The following ZFP57 variants were observed in gnomAD, a reference collection of about 807,000 sequenced individuals.
The protein encoded by ZFP57 is zinc finger protein 57 homolog.
A neutral mutation model predicts 15.8 loss-of-function variants in ZFP57; 12 were observed. The ratio of observed to expected loss-of-function variants is 0.76; its 90% CI spans 0.49 to 1.23. The LOEUF is 1.23. Ranked by LOEUF, ZFP57 falls within the 50% of genes most tolerant of loss-of-function variation. The probability of loss-of-function intolerance (pLI) is 0.00; values close to 1 mark genes in which losing one functional copy is unlikely to be tolerated. For synonymous variants in ZFP57, 203 were observed against 242.3 expected, an observed-to-expected ratio of 0.84 and a Z score of 1.51; for missense variants, 536 against 654.9, an observed-to-expected ratio of 0.82 and a Z score of 1.98.
intron 4 of ZFP57, 115 bp downstream of exon 4, chr6:29,675,271 A>C: frequency 2.4e-6 from 2 of 824,460 alleles, no homozygotes; most frequent in Non-Finnish European, 4.2e-6. Flanking sequence ...ACCAGGCTGG[A>C]CAGAGGTACA....
intron 2 of ZFP57, among the ~76,000 whole-genome samples, chr6:29,676,590 G>A (rs1212569685): frequency 6.7e-6 from 1 of 149,888 alleles, no homozygotes; most frequent in East Asian, 2.0e-4. Context: ...GAGAAAGGGA[G>A]AAAGATAAGA....
At position 29,673,677 on chromosome 6, in the gene ZFP57, C is replaced by T. The variant is rs964122823; in HGVS notation, c.434G>A (p.Cys145Tyr). The T allele has an allele frequency of 3.1e-6, 5 of 1,612,824 alleles. No individual in the cohort carries two copies. In the African/African-American group the frequency reaches 6.7e-5, roughly 22 times the overall value. ...GTSDDKVFLA[C>Y]RGAGQCPLSA... The stretch of plus-strand genomic sequence containing the variant: ...TAGGGGGCACTGGCCGGCCCCTCTG[C>T]ATGCAAGGAAGACCTTGTCATCACT... The change falls in exon 5 of 5, where the codon TGC (cysteine) becomes TAC (tyrosine). Residue 145 changes from cysteine to tyrosine, a missense_variant. Transcript: ENST00000376883. The surrounding 1 kb of genome is among the most constrained non-coding windows in gnomAD (Gnocchi z 4.7).
chr6:29,675,805 T>G, intron 3 of ZFP57, 128 bp downstream of exon 3: 1 of 1,211,882 alleles, frequency 8.3e-7, no homozygotes, highest in Non-Finnish European at 1.2e-6. Context: ...CTCAGATCTT[T>G]CACACCTGGA....
At position 29,673,953 on chromosome 6, in the gene ZFP57, G is replaced by C. The variant is rs755114895; in HGVS notation, c.353-195C>G. On this transcript the variant is annotated intron_variant, in intron 4 of 4. Coordinates refer to ENST00000376883, the MANE Select transcript of ZFP57 (RefSeq NM_001109809.5). This position sits in a 1 kb window ranked among gnomAD's most constrained non-coding sequence, Gnocchi z 4.7. ...TACTACAAATACAAAAATTAGCTGGGCGTCATGGCATCTGCCTGTAATCTC... is the reference window on the plus strand; with the variant it reads ...TACTACAAATACAAAAATTAGCTGGCCGTCATGGCATCTGCCTGTAATCTC... 1.3e-5 allele frequency among the ~76,000 whole-genome samples: 2 copies of C among 152,090 alleles called. No individual in the cohort carries two copies. Among genetic ancestry groups the C allele is most frequent in the Non-Finnish European group, 2.9e-5 (2 of 68,014 alleles).
At chr6:29,679,127 T>A (rs1380423364) in intron 1 of ZFP57, among the ~76,000 whole-genome samples, 3 of 152,174 alleles carry the variant, frequency 2.0e-5, no homozygotes, top group Non-Finnish European at 4.4e-5. Flanking sequence ...AGAATACTGC[T>A]AACAACCCAA....
chr6:29,675,961 C>T lies in ZFP57; in HGVS notation c.222G>A (p.Ser74=), dbSNP rs546769900. ...SQRVLYQDVM[S]ETFKNLTSVA... ...CAGATGTTAGATTCTTAAAGGTTTC[C>T]GACATAACATCCTGGTAAAGGACCC... The change falls in exon 3 of 5, where the codon TCG becomes TCA. Residue 74 remains serine, a synonymous_variant. Transcript: ENST00000376883. The T allele has an allele frequency of 2.3e-5, 37 of 1,613,274 alleles. No homozygotes were observed. The highest frequency in any genetic ancestry group is 6.7e-5 in the East Asian group (3 of 44,878).
rs1772126241 is a variant in ZFP57 at position 29,677,302 on chromosome 6, T to C, written c.-299A>G. 2 of 478,214 alleles carry C rather than the reference T, an allele frequency of 4.2e-6. No individual in the cohort carries two copies. Among genetic ancestry groups the C allele is most frequent in the East Asian group, 4.0e-5 (1 of 24,904 alleles). 29.6% of individuals were successfully genotyped at this position (478,214 alleles called of 1,614,324 possible). ...GTCACCCTTGGCTCACCAGCTGCCA[T>C]TGTTTAGTAACAACACCAGCCTGGG... On this transcript the variant is annotated 5_prime_UTR_variant, in exon 2 of 5. It removes an upstream start codon present in the reference 5' UTR. Transcript: ENST00000376883.
At position 29,675,808 on chromosome 6, in the gene ZFP57, C is replaced by T. The variant is rs1772036389; in HGVS notation, c.250+125G>A. ...TGAGCTTAGTGACTCAGATCTTTCA[C>T]ACCTGGAAAGCATAGAACCAGGGGT... On this transcript the variant is annotated intron_variant, in intron 3 of 4. Transcript: ENST00000376883. 6 of 1,246,786 alleles carry T rather than the reference C, an allele frequency of 4.8e-6. No individual in the cohort carries two copies. In the South Asian group the frequency reaches 4.9e-5, roughly 10 times the overall value. The allele number at this position is 1,246,786 out of a possible 1,614,324, so 77.2% of individuals were successfully genotyped here. A position where few individuals can be genotyped will look rare whatever the true frequency, so the allele number is the denominator to read the frequency against.
chr6:29,679,978 T>A (rs1164400646), intron 1 of ZFP57, among the ~76,000 whole-genome samples: 1 of 152,050 alleles, frequency 6.6e-6, no homozygotes, highest in Non-Finnish European at 1.5e-5. Flanking sequence ...AGAGAAGACC[T>A]ACTGCTGCCG....
In ZFP57 at chr6:29,675,388, G is replaced by GA. The variant is rs1229065582; in HGVS notation, c.349dup (p.Ser117PhefsTer18). ...CCTCCCTGCTTGGCAATTCTTACCT[G>GA]AAAGGCCTTCTGTGTTTGGGAGATG... On this transcript the variant is annotated frameshift_variant, in exon 4 of 5. Transcript: ENST00000376883. LOFTEE classifies it low-confidence loss of function (END_TRUNC). The GA allele has an allele frequency of 6.2e-7, 1 of 1,613,082 alleles. No individual in the cohort carries two copies. The highest frequency in any genetic ancestry group is 8.5e-7 in the Non-Finnish European group (1 of 1,179,076).
At position 29,672,496 on chromosome 6, in the gene ZFP57, C is replaced by G. The variant is rs764988283; in HGVS notation, c.*4G>C. The G allele has an allele frequency of 2.5e-5, 41 of 1,612,908 alleles. No homozygotes were observed. The highest frequency in any genetic ancestry group is 3.4e-5 in the Non-Finnish European group (40 of 1,180,006). ...CAAAGAAAGAGCTCAGTCAGAAAGGCCATTTATTTATGTTTCAAGATGCTC... is the reference window on the plus strand; with the variant it reads ...CAAAGAAAGAGCTCAGTCAGAAAGGGCATTTATTTATGTTTCAAGATGCTC... On this transcript the variant is annotated 3_prime_UTR_variant, in exon 5 of 5. Transcript: ENST00000376883.
Position 29,672,823 on chromosome 6 carries a change from G to T in ZFP57, c.1288C>A (p.His430Asn). Reference protein sequence around the residue: ...SFSSFSRLVRHQQTHWKQKSY... With the variant: ...SFSSFSRLVRNQQTHWKQKSY... ...TTCTGCTTCCAGTGGGTCTGCTGGT[G>T]TCTGACCAGCCTGGAAAATGAGCTG... The change falls in exon 5 of 5, where the codon CAC becomes AAC. Residue 430 changes from histidine to asparagine, a missense_variant. His to Asn is a moderately conservative substitution (Grantham distance 68). Coordinates refer to ENST00000376883, the MANE Select transcript of ZFP57 (RefSeq NM_001109809.5). The T allele has an allele frequency of 6.2e-7, 1 of 1,613,106 alleles. No individual in the cohort carries two copies. Among genetic ancestry groups the T allele is most frequent in the South Asian group, 1.1e-5 (1 of 91,082 alleles).
intron 3 of ZFP57, 84 bp from the exon 4 acceptor site, chr6:29,675,571 T>C: frequency 9.0e-7 from 1 of 1,116,464 alleles, no homozygotes; most frequent in East Asian, 2.3e-5. Context: ...CTACCTCCTG[T>C]AGCCTTTGTT....
chr6:29,680,686 A>T (rs1434493623), intron 1 of ZFP57, among the ~76,000 whole-genome samples: 2 of 152,150 alleles, frequency 1.3e-5, no homozygotes, highest in Non-Finnish European at 2.9e-5. Context: ...GGTTTTGCTC[A>T]CTGTCGCCTG....
chr6:29,680,173 A>G (rs1554213816), intron 1 of ZFP57, among the ~76,000 whole-genome samples: 1 of 152,054 alleles, frequency 6.6e-6, no homozygotes, highest in Non-Finnish European at 1.5e-5. Context: ...ACTGGGCATA[A>G]CTCATCAGAC....
intron 1 of ZFP57, among the ~76,000 whole-genome samples, chr6:29,679,063 TG>T (rs1481923771): frequency 1.8e-4 from 28 of 152,324 alleles, no homozygotes; most frequent in Admixed American, 3.3e-4. Flanking sequence ...CTAGAGCTCT[TG>T]GAACATATCA....
In ZFP57 at chr6:29,672,613, C is replaced by T. The variant is rs781303296; in HGVS notation, c.1498G>A (p.Gly500Arg). Residue 500 changes from glycine to arginine, a missense_variant, in exon 5 of 5, where the codon GGA becomes AGA. Coordinates refer to ENST00000376883, the MANE Select transcript of ZFP57 (RefSeq NM_001109809.5). Reference protein sequence around the residue: ...PTMAGEEWKHGGDQSPPRIHT... With the variant: ...PTMAGEEWKHRGDQSPPRIHT... Reference sequence around the variant, plus strand: ...ATCCTGGGGGGAGATTGATCACCTCCATGCTTCCATTCCTCCCCAGCCATA... The same window carrying T: ...ATCCTGGGGGGAGATTGATCACCTCTATGCTTCCATTCCTCCCCAGCCATA... The T allele has an allele frequency of 6.6e-5, 106 of 1,611,388 alleles. No individual in the cohort carries two copies. Among genetic ancestry groups the T allele is most frequent in the Non-Finnish European group, 8.6e-5 (101 of 1,178,752 alleles).
At chr6:29,680,592 C>A (rs1448357401) in intron 1 of ZFP57, among the ~76,000 whole-genome samples, 1 of 152,152 alleles carries the variant, frequency 6.6e-6, no homozygotes, top group African/African-American at 2.4e-5. Context: ...GCGCTCCTGG[C>A]CCTGTCCTCC....
intron 3 of ZFP57, among the ~76,000 whole-genome samples, 173 bp downstream of exon 3, chr6:29,675,760 C>T (rs1772035566): frequency 6.6e-6 from 1 of 152,190 alleles, no homozygotes; most frequent in Non-Finnish European, 1.5e-5. Flanking sequence ...TTCATGCAGG[C>T]TATCATTTCT....
Sources: gnomAD v4.1 joint callset for allele counts (sites outside exome capture counted in the v4.1 genomes callset) on GRCh38, gnomAD v4.1.1 for gene constraint, Gnocchi (gnomAD v3.1) non-coding constraint, MANE v1.5 for transcripts, NCBI Gene and HGNC (gene_info 2026-07-23, HGNC 2026-07-21) for gene names.